Variants in NPFFR2 observed in about 807,000 individuals in gnomAD.
NPFFR2 encodes the protein G-protein coupled receptor 74.
In NPFFR2, 15 loss-of-function variants were observed where a neutral mutation model predicts 13.1. The observed-to-expected ratio is 1.15, with a 90% CI of 0.77 to 1.76. The LOEUF (loss-of-function observed/expected upper bound fraction) is 1.76. NPFFR2 is among the 40% of genes most tolerant of loss of function. The probability of loss-of-function intolerance (pLI) is 0.00; values close to 1 mark genes in which losing one functional copy is unlikely to be tolerated. For synonymous variants in NPFFR2, 190 were observed against 175.7 expected (o/e 1.08, Z -0.65); for missense variants, 572 against 503.5 (o/e 1.14, Z -1.30).
intron 1 of NPFFR2, among the ~76,000 whole-genome samples, chr4:72,083,370 G>A (rs1720684144): frequency 6.6e-6 from 1 of 152,158 alleles, no homozygotes; most frequent in South Asian, 2.1e-4. Flanking sequence ...TTGTCTTTTT[G>A]ATAATAGCCC....
intron 1 of NPFFR2, chr4:72,069,089 CTGA>C: frequency 1.9e-6 from 1 of 517,664 alleles, no homozygotes; most frequent in South Asian, 4.9e-5. Context: ...TTAAGCTATT[CTGA>C]TGAGGAAAAG....
intron 1 of NPFFR2, among the ~76,000 whole-genome samples, chr4:72,051,398 G>A (rs1344204282): frequency 6.6e-6 from 1 of 151,870 alleles, no homozygotes; most frequent in African/African-American, 2.4e-5. Flanking sequence ...ATGACTACTG[G>A]GTACATAACG....
intron 1 of NPFFR2, among the ~76,000 whole-genome samples, chr4:72,051,513 A>G (rs1335663229): frequency 1.3e-5 from 2 of 151,214 alleles, no homozygotes; most frequent in South Asian, 2.1e-4. Flanking sequence ...AGGGAAATTT[A>G]TAGCACTAAA....
chr4:72,043,600 A>G (rs990183049), intron 1 of NPFFR2, among the ~76,000 whole-genome samples: 1 of 152,192 alleles, frequency 6.6e-6, no homozygotes, highest in Non-Finnish European at 1.5e-5. Flanking sequence ...ATGTTTAATA[A>G]TTGCCCTATT....
intron 1 of NPFFR2, among the ~76,000 whole-genome samples, chr4:72,045,488 T>G (rs1719350727): frequency 6.6e-6 from 1 of 152,212 alleles, no homozygotes; most frequent in Non-Finnish European, 1.5e-5. Context: ...CTCTGTTTGC[T>G]CAGGATATCT....
chr4:72,065,823 C>T (rs1720050796), intron 1 of NPFFR2, among the ~76,000 whole-genome samples: 1 of 152,078 alleles, frequency 6.6e-6, no homozygotes. Flanking sequence ...TCTCCCTACC[C>T]AGATCTTCAG....
intron 1 of NPFFR2, among the ~76,000 whole-genome samples, chr4:72,046,073 CAT>C (rs1221610256): frequency 3.3e-5 from 5 of 152,040 alleles, no homozygotes. Flanking sequence ...GTAATATAAT[CAT>C]GTGGTAAATA....
Position 72,032,213 on chromosome 4 carries a change from G to A in NPFFR2, c.-8+13G>A, listed in dbSNP as rs374736752. On this transcript the variant is annotated intron_variant, in intron 1 of 3. Transcript: ENST00000308744. The stretch of plus-strand genomic sequence containing the variant: ...CTCGCCGGGAGAGGTAACAGCATGG[G>A]CCAGTTTGTCTGGGGGCCCCCGCTT... The A allele has an allele frequency of 3.6e-5, 57 of 1,590,058 alleles. No homozygotes were observed. The highest frequency in any genetic ancestry group is 4.5e-5 in the Non-Finnish European group (52 of 1,166,184).
intron 2 of NPFFR2, among the ~76,000 whole-genome samples, chr4:72,133,625 CT>C (rs1410444564): frequency 6.6e-6 from 1 of 152,172 alleles, no homozygotes; most frequent in Non-Finnish European, 1.5e-5. Flanking sequence ...GATATTGATT[CT>C]TCCTATCCGT....
chr4:72,055,409 T>TA (rs1177568606), intron 1 of NPFFR2, among the ~76,000 whole-genome samples: 4 of 151,998 alleles, frequency 2.6e-5, no homozygotes, highest in Admixed American at 2.6e-4. Flanking sequence ...GCAAAGGTAA[T>TA]AGATAAGTGT....
intron 3 of NPFFR2, among the ~76,000 whole-genome samples, chr4:72,145,336 A>T (rs966018340): frequency 6.7e-6 from 1 of 149,946 alleles, no homozygotes; most frequent in African/African-American, 2.4e-5. Flanking sequence ...ATATATGTAC[A>T]GATAAGCATA....
chr4:72,114,529 C>G (rs142309640), intron 1 of NPFFR2, among the ~76,000 whole-genome samples: 1 of 152,020 alleles, frequency 6.6e-6, no homozygotes, highest in African/African-American at 2.4e-5. Context: ...TAGGATTTGG[C>G]AAATGTAAAT....
intron 1 of NPFFR2, among the ~76,000 whole-genome samples, chr4:72,113,889 C>T (rs1285773205): frequency 6.6e-6 from 1 of 152,048 alleles, no homozygotes; most frequent in African/African-American, 2.4e-5. Flanking sequence ...ATATTGCCAC[C>T]TTATACCTCA....
intron 1 of NPFFR2, among the ~76,000 whole-genome samples, chr4:72,042,351 A>G (rs6446805): frequency 0.89 from 135,398 of 152,162 alleles, 61,388 homozygotes; most frequent in Non-Finnish European, 0.98. Flanking sequence ...TCTTGGCTAT[A>G]TTCGTATAGC....
chr4:72,050,335 C>G (rs1399001595), intron 1 of NPFFR2, among the ~76,000 whole-genome samples: 2 of 152,012 alleles, frequency 1.3e-5, no homozygotes, highest in Non-Finnish European at 2.9e-5. Context: ...GAATGGAACC[C>G]TCTTCTTTGC....
intron 1 of NPFFR2, among the ~76,000 whole-genome samples, chr4:72,086,008 A>G (rs1560406859): frequency 1.3e-5 from 2 of 152,074 alleles, no homozygotes; most frequent in Non-Finnish European, 2.9e-5. Context: ...GAAGATGCTC[A>G]ATAATGATCA....
intron 1 of NPFFR2, among the ~76,000 whole-genome samples, chr4:72,040,927 A>AAAAAAT (rs370151375): frequency 6.8e-6 from 1 of 146,768 alleles, no homozygotes; most frequent in African/African-American, 2.5e-5. Flanking sequence ...ACTGCTGTAA[A>AAAAAAT]ATATATATAT....
rs758170093 is a variant in NPFFR2 at position 72,138,155 on chromosome 4, A to G, written c.428+16A>G. The G allele has an allele frequency of 6.3e-7, 1 of 1,585,804 alleles. No individual in the cohort carries two copies. Among genetic ancestry groups the G allele is most frequent in the East Asian group, 2.2e-5 (1 of 44,764 alleles). ...CTGTAGATAGGTAAGTCTGCACCAA[A>G]CTCTGAATCCAGAAAAATTGGCATG... On this transcript the variant is annotated intron_variant, in intron 3 of 3. Transcript: ENST00000308744.
chr4:72,126,228 A>G (rs892651008), intron 1 of NPFFR2, among the ~76,000 whole-genome samples: 5 of 152,220 alleles, frequency 3.3e-5, no homozygotes, highest in African/African-American at 1.2e-4. Context: ...AAAAGTTACA[A>G]TTTTAACTTT....
Sources: allele counts gnomAD v4.1 joint callset (sites outside exome capture counted in the v4.1 genomes callset), GRCh38; gene constraint gnomAD v4.1.1; transcripts MANE v1.5; gene names NCBI Gene and HGNC (gene_info 2026-07-23, HGNC 2026-07-21).